MTREX: variants seen among roughly 807,000 people sequenced by gnomAD.
The protein encoded by MTREX is Mtr4 exosome RNA helicase.
A neutral mutation model predicts 135.4 loss-of-function variants in MTREX; 76 were observed. The observed-to-expected ratio is 0.56, with a 90% CI of 0.47 to 0.68. The LOEUF (loss-of-function observed/expected upper bound fraction) is 0.68. Ranked by LOEUF, MTREX falls within the 30% of genes least tolerant of loss-of-function variation. The pLI is 0.00. For synonymous variants in MTREX, 404 were observed against 401.6 expected (o/e 1.01, Z -0.07); for missense variants, 920 against 1,262.1 (o/e 0.73, Z 4.11).
intron 24 of MTREX, among the ~76,000 whole-genome samples, chr5:55,414,490 G>A (rs1204800506): frequency 1.3e-5 from 2 of 152,094 alleles, no homozygotes; most frequent in Non-Finnish European, 2.9e-5. Flanking sequence ...TGTGAACAGA[G>A]ATTAAAAGCT....
intron 11 of MTREX, 49 bp downstream of exon 11, chr5:55,347,193 A>C: frequency 6.6e-7 from 1 of 1,511,712 alleles, no homozygotes; most frequent in South Asian, 1.2e-5. Flanking sequence ...AAATGAGCGT[A>C]AAATATATTT....
intron 22 of MTREX, 74 bp from the exon 23 acceptor site, chr5:55,410,450 C>A: frequency 1.5e-6 from 1 of 682,724 alleles, no homozygotes. Flanking sequence ...TTAAAAACTA[C>A]ACGTTAAGGG....
rs181071256 is a variant in MTREX, at chr5:55,374,238, C to T, written c.1811-4076C>T. ...TGCCACTGAACTCTAACCTGGGCAA[C>T]GGAGCAAGACTGTCTCAAAAAACAT... On this transcript the variant is annotated intron_variant, in intron 16 of 26. Coordinates refer to ENST00000230640, the MANE Select transcript of MTREX (RefSeq NM_015360.5). 2.6e-3 allele frequency among the ~76,000 whole-genome samples: 394 copies of T among 149,354 alleles called. 2 individuals carry two copies. Among genetic ancestry groups the T allele is most frequent in the Middle Eastern group, 6.9e-3 (2 of 288 alleles).
At chr5:55,380,081 GC>G (rs1750370593) in intron 18 of MTREX, among the ~76,000 whole-genome samples, 1 of 151,994 alleles carries the variant, frequency 6.6e-6, no homozygotes, top group African/African-American at 2.4e-5. Context: ...GACTGTAGGT[GC>G]CTGCCACCAA....
intron 18 of MTREX, among the ~76,000 whole-genome samples, chr5:55,387,180 A>G (rs79031957): frequency 0.012 from 1,820 of 152,200 alleles, 40 homozygotes; most frequent in African/African-American, 0.042. Flanking sequence ...TCAATGATTT[A>G]AAACAATTGT....
intron 18 of MTREX, 81 bp downstream of exon 18, chr5:55,379,276 A>G: frequency 1.2e-6 from 1 of 803,200 alleles, no homozygotes; most frequent in Non-Finnish European, 2.0e-6. Flanking sequence ...CGGTCTAAGA[A>G]GAAATAATAT....
At chr5:55,384,030 C>T (rs1750440096) in intron 18 of MTREX, among the ~76,000 whole-genome samples, 1 of 152,178 alleles carries the variant, frequency 6.6e-6, no homozygotes, top group Non-Finnish European at 1.5e-5. Context: ...CTTGGTCTCT[C>T]AAAGTCCTGG....
chr5:55,368,973 A>G (rs1750150526), intron 16 of MTREX, among the ~76,000 whole-genome samples: 1 of 152,120 alleles, frequency 6.6e-6, no homozygotes, highest in Non-Finnish European at 1.5e-5. Flanking sequence ...ATTTCTTGTA[A>G]AAGTTATTAA....
At position 55,425,459 on chromosome 5, in the gene MTREX, C is replaced by A; in HGVS notation, c.*687C>A. 1 of 889,914 alleles carries A rather than the reference C, an allele frequency of 1.1e-6. No individual in the cohort carries two copies. 55.1% of individuals were successfully genotyped at this position (889,914 alleles called of 1,614,324 possible). On this transcript the variant is annotated 3_prime_UTR_variant, in exon 27 of 27. Coordinates refer to ENST00000230640, the MANE Select transcript of MTREX (RefSeq NM_015360.5). ...TATACTTTGAGGTGTACAGATTAAG[C>A]ATATAAAAAATTAGAGACTAACTGG...
intron 16 of MTREX, among the ~76,000 whole-genome samples, chr5:55,370,791 G>A (rs1341905663): frequency 4.6e-5 from 7 of 152,138 alleles, no homozygotes; most frequent in African/African-American, 2.4e-5. Context: ...TTACTTGCAG[G>A]AGTATACTTC....
At chr5:55,320,993 A>G (rs1410651008) in intron 1 of MTREX, among the ~76,000 whole-genome samples, 1 of 152,220 alleles carries the variant, frequency 6.6e-6, no homozygotes. Flanking sequence ...TAAGCCAGAC[A>G]TGAGAGATTT....
chr5:55,418,101 G>T (rs1282643274), intron 25 of MTREX, among the ~76,000 whole-genome samples: 5 of 151,290 alleles, frequency 3.3e-5, no homozygotes, highest in Non-Finnish European at 5.9e-5. Context: ...GGGTGTGGTG[G>T]CAGGAGCCTG....
At chr5:55,342,444 AT>A (rs1369767865) in intron 7 of MTREX, among the ~76,000 whole-genome samples, 3 of 152,220 alleles carry the variant, frequency 2.0e-5, no homozygotes, top group Non-Finnish European at 2.9e-5. Flanking sequence ...TAACTATGAA[AT>A]ATGTGTTTAT....
chr5:55,385,353 G>C (rs979219189), intron 18 of MTREX, among the ~76,000 whole-genome samples: 3 of 152,204 alleles, frequency 2.0e-5, no homozygotes, highest in Non-Finnish European at 4.4e-5. Context: ...TGGCCAACCA[G>C]TAGAGGCTAG....
chr5:55,318,645 A>G (rs573290699), intron 1 of MTREX, among the ~76,000 whole-genome samples: 1 of 152,332 alleles, frequency 6.6e-6, no homozygotes, highest in East Asian at 1.9e-4. Flanking sequence ...GGAGAGGAGC[A>G]GAAAAGATAA....
intron 1 of MTREX, among the ~76,000 whole-genome samples, chr5:55,320,614 A>G (rs1463144840): frequency 6.6e-6 from 1 of 151,082 alleles, no homozygotes; most frequent in Non-Finnish European, 1.5e-5. Flanking sequence ...CATTCTGTGC[A>G]AAAAAATAGA....
intron 18 of MTREX, among the ~76,000 whole-genome samples, chr5:55,386,817 A>T (rs1014801026): frequency 6.6e-6 from 1 of 152,100 alleles, no homozygotes. Context: ...TAATTCATCT[A>T]TCACATTGTG....
chr5:55,322,556 T>C (rs930459842), intron 2 of MTREX, 92 bp downstream of exon 2: 2 of 841,776 alleles, frequency 2.4e-6, no homozygotes, highest in African/African-American at 1.7e-5. Context: ...TACTTAGATA[T>C]ATGCCCGTAT....
chr5:55,400,155 A>C, intron 20 of MTREX, 78 bp from the exon 21 acceptor site: 1 of 1,136,942 alleles, frequency 8.8e-7, no homozygotes, highest in East Asian at 2.4e-5. Flanking sequence ...TGCATAGAAA[A>C]AAAGGGAAAC....
Sources: allele counts gnomAD v4.1 joint callset (sites outside exome capture counted in the v4.1 genomes callset), GRCh38; gene constraint gnomAD v4.1.1; transcripts MANE v1.5; gene names NCBI Gene and HGNC (gene_info 2026-07-23, HGNC 2026-07-21).